The following TAS2R41 variants were observed in gnomAD, a reference collection of about 807,000 sequenced individuals.
TAS2R41 encodes the protein taste 2 receptor member 41, also known as taste receptor type 2 member 41.
A neutral mutation model predicts 25.1 loss-of-function variants in TAS2R41; 33 were observed. That is an observed-to-expected ratio of 1.31 (90% CI 1.00 to 1.76). TAS2R41 has a LOEUF of 1.76. Ranked by LOEUF, TAS2R41 falls within the 40% of genes most tolerant of loss-of-function variation. TAS2R41 has a pLI of 0.00. For missense variants in TAS2R41, 319 were observed against 359.4 expected (o/e 0.89, Z 0.91); for synonymous variants, 151 against 151.6 (o/e 1.00, Z 0.03).
Position 143,478,777 on chromosome 7 carries a change from G to A in TAS2R41, c.905G>A (p.Arg302Lys). 6.2e-7 allele frequency: 1 copy of A among 1,613,360 alleles called. No individual in the cohort carries two copies. The highest frequency in any genetic ancestry group is 1.3e-5 in the African/African-American group (1 of 75,032). The change falls in exon 1 of 1, where the codon AGG (arginine) becomes AAG (lysine). Residue 302 changes from arginine to lysine, a missense_variant. Arg to Lys is a conservative substitution (Grantham distance 26, BLOSUM62 2). Coordinates refer to ENST00000408916, the MANE Select transcript of TAS2R41 (RefSeq NM_176883.2). ...SVFSQLLLLA[R>K]GFWVA The stretch of plus-strand genomic sequence containing the variant: ...TTCTCGCAGCTCCTGTTGTTGGCAA[G>A]GGGCTTCTGGGTGGCCTAGATGGCA...
In TAS2R41 at chr7:143,478,246, G is replaced by A. The variant is rs773192241; in HGVS notation, c.374G>A (p.Arg125Lys). 1 of 1,614,050 alleles carries A rather than the reference G, an allele frequency of 6.2e-7. No homozygotes were observed. The highest frequency in any genetic ancestry group is 2.2e-5 in the East Asian group (1 of 44,860). The change falls in exon 1 of 1, where the codon AGG becomes AAG. Residue 125 changes from arginine to lysine, a missense_variant. Physicochemically the swap from Arg to Lys is conservative, Grantham distance 26 (BLOSUM62 2). Transcript: ENST00000408916. Reference sequence around the variant, plus strand: ...TCCACCTTCCTGTGGCTGAAGTGGAGGTTCCCAGGGTGGGTGCCCTGGCTC... The same window carrying A: ...TCCACCTTCCTGTGGCTGAAGTGGAAGTTCCCAGGGTGGGTGCCCTGGCTC... ...THSTFLWLKW[R>K]FPGWVPWLLL...
rs1213721087 is a variant in TAS2R41 at position 143,478,115 on chromosome 7, C to T, written c.243C>T (p.Gly81=). 1 of 1,613,936 alleles carries T rather than the reference C, an allele frequency of 6.2e-7. No homozygotes were observed. The highest frequency in any genetic ancestry group is 1.7e-5 in the Admixed American group (1 of 59,992). Residue 81 remains glycine, a synonymous_variant, in exon 1 of 1, where the codon GGC becomes GGT. Coordinates refer to ENST00000408916, the MANE Select transcript of TAS2R41 (RefSeq NM_176883.2). The part of the protein sequence containing the change: ...AQKVEYSGGL[G]RQFFHLHWHF... ...AGGTCGAGTACTCTGGGGGTCTCGGCCGACAGTTCTTCCATCTACACTGGC... is the reference window on the plus strand; with the variant it reads ...AGGTCGAGTACTCTGGGGGTCTCGGTCGACAGTTCTTCCATCTACACTGGC...
chr7:143,478,294 C>T lies in TAS2R41; in HGVS notation c.422C>T (p.Ser141Phe), dbSNP rs1807070390. Residue 141 changes from serine (S) to phenylalanine (F), a missense_variant, in exon 1 of 1, where the codon TCC becomes TTC. Transcript: ENST00000408916. ...CTCCTGTTGGGCTCTGTCCTGATCT[C>T]CTTCATCATAACCCTGCTGTTTTTT... ...PWLLLGSVLI[S>F]FIITLLFFWV... 6.2e-7 allele frequency: 1 copy of T among 1,614,062 alleles called. No homozygotes were observed. Among genetic ancestry groups the T allele is most frequent in the Non-Finnish European group, 8.5e-7 (1 of 1,180,012 alleles).
At position 143,478,453 on chromosome 7, in the gene TAS2R41, CT is replaced by C; in HGVS notation, c.582del (p.Val195PhefsTer9). On this transcript the variant is annotated frameshift_variant, in exon 1 of 1. Transcript: ENST00000408916. LOFTEE classifies it high-confidence loss of function. ...LKLVIWSIPFSVFLVSIMLLI... is the reference protein window; with the variant it reads ...LKLVIWSIPFXVFLVSIMLLI... Reference sequence around the variant, plus strand: ...CTGGTCATCTGGTCAATTCCTTTTTCTGTTTTTCTGGTCTCAATTATGCTGT... The same window carrying C: ...CTGGTCATCTGGTCAATTCCTTTTTCGTTTTTCTGGTCTCAATTATGCTGT... 1 of 1,614,022 alleles carries C rather than the reference CT, an allele frequency of 6.2e-7. No individual in the cohort carries two copies. The highest frequency in any genetic ancestry group is 8.5e-7 in the Non-Finnish European group (1 of 1,179,988).
chr7:143,478,014 C>T lies in TAS2R41; in HGVS notation c.142C>T (p.Leu48Phe), dbSNP rs1344967592. ...CAGGTTGCTGCCCTTGGATATGATC[C>T]TCATTAGCTTGGGTGCCTCCCGCTT... is the stretch of plus-strand genomic sequence containing the variant. ...YGRLLPLDMI[L>F]ISLGASRFCL... Residue 48 changes from leucine to phenylalanine, a missense_variant, in exon 1 of 1, where the codon CTC becomes TTC. Coordinates refer to ENST00000408916, the MANE Select transcript of TAS2R41 (RefSeq NM_176883.2). 11 of 1,613,982 alleles carry T rather than the reference C, an allele frequency of 6.8e-6. No homozygotes were observed. The highest frequency in any genetic ancestry group is 3.3e-5 in the Admixed American group (2 of 59,992).
Position 143,478,570 on chromosome 7 carries a change from T to C in TAS2R41, c.698T>C (p.Leu233Pro). ...DPSTQAHTRA[L>P]KSLISFLILY... ...AGCACCCAGGCTCACACCAGAGCTCTGAAGTCCCTCATCTCCTTCCTCATT... is the reference window on the plus strand; with the variant it reads ...AGCACCCAGGCTCACACCAGAGCTCCGAAGTCCCTCATCTCCTTCCTCATT... The change falls in exon 1 of 1, where the codon CTG (leucine) becomes CCG (proline). Residue 233 changes from leucine (L) to proline (P), a missense_variant. Leu to Pro is a moderately conservative substitution (Grantham distance 98, BLOSUM62 -3). Coordinates refer to ENST00000408916, the MANE Select transcript of TAS2R41 (RefSeq NM_176883.2). 6.2e-7 allele frequency: 1 copy of C among 1,614,120 alleles called. No individual in the cohort carries two copies. Among genetic ancestry groups the C allele is most frequent in the Non-Finnish European group, 8.5e-7 (1 of 1,180,012 alleles).
Position 143,478,518 on chromosome 7 carries a change from CACA to C in TAS2R41, c.649_651del (p.Asn217del). On this transcript the variant is annotated inframe_deletion, in exon 1 of 1. Transcript: ENST00000408916. ...GAGGAGGCATACTCAGAGAATGCAG[CACA>C]ACGGGCACAGCCTGCAGGACCCCAG... 1 of 1,614,106 alleles carries C rather than the reference CACA, an allele frequency of 6.2e-7. No individual in the cohort carries two copies. The highest frequency in any genetic ancestry group is 8.5e-7 in the Non-Finnish European group (1 of 1,180,020).
Position 143,477,950 on chromosome 7 carries a change from C to A in TAS2R41, c.78C>A (p.Phe26Leu), listed in dbSNP as rs1288525458. The A allele has an allele frequency of 6.2e-7, 1 of 1,614,122 alleles. No individual in the cohort carries two copies. Among genetic ancestry groups the A allele is most frequent in the Non-Finnish European group, 8.5e-7 (1 of 1,180,030 alleles). The change falls in exon 1 of 1, where the codon TTC becomes TTA. Residue 26 changes from phenylalanine (F) to leucine (L), a missense_variant. Transcript: ENST00000408916. This position sits in a 1 kb window ranked among gnomAD's most constrained non-coding sequence, Gnocchi z 4.0. ...TTCTGGGGATTGCAGCGAATGGCTT[C>A]ATTGTGCTGGTGCTGGGCAGGGAGT... Reference protein sequence around the residue: ...LSLLGIAANGFIVLVLGREWL... With the variant: ...LSLLGIAANGLIVLVLGREWL...
In TAS2R41 at chr7:143,477,998, G is replaced by C; in HGVS notation, c.126G>C (p.Leu42=). ...GREWLRYGRL[L]PLDMILISLG... is the part of the protein sequence containing the mutation. ...AGTGGCTGCGATATGGCAGGTTGCT[G>C]CCCTTGGATATGATCCTCATTAGCT... The change falls in exon 1 of 1, where the codon CTG becomes CTC. Residue 42 remains leucine (L), a synonymous_variant. Transcript: ENST00000408916. This position sits in a 1 kb window ranked among gnomAD's most constrained non-coding sequence, Gnocchi z 4.0. The C allele has an allele frequency of 6.2e-7, 1 of 1,614,130 alleles. No homozygotes were observed. The highest frequency in any genetic ancestry group is 8.5e-7 in the Non-Finnish European group (1 of 1,180,018).
Position 143,477,906 on chromosome 7 carries a change from C to T in TAS2R41, c.34C>T (p.Leu12Phe), listed in dbSNP as rs1807056042. Residue 12 changes from leucine (L) to phenylalanine (F), a missense_variant, in exon 1 of 1, where the codon CTC (leucine) becomes TTC (phenylalanine). By Grantham distance (22) the Leu-to-Phe change is conservative. Coordinates refer to ENST00000408916, the MANE Select transcript of TAS2R41 (RefSeq NM_176883.2). This position sits in a 1 kb window ranked among gnomAD's most constrained non-coding sequence, Gnocchi z 4.0. Reference sequence around the variant, plus strand: ...AGCACTGACGGCCTTCTTCGTGTTGCTCTTTAGCCTGCTGAGTCTTCTGGG... The same window carrying T: ...AGCACTGACGGCCTTCTTCGTGTTGTTCTTTAGCCTGCTGAGTCTTCTGGG... Reference protein sequence around the residue: ...QAALTAFFVLLFSLLSLLGIA... With the variant: ...QAALTAFFVLFFSLLSLLGIA... The T allele has an allele frequency of 6.2e-7, 1 of 1,614,120 alleles. No homozygotes were observed. Among genetic ancestry groups the T allele is most frequent in the Middle Eastern group, 1.6e-4 (1 of 6,062 alleles).
At position 143,478,411 on chromosome 7, in the gene TAS2R41, A is replaced by C. The variant is rs747809966; in HGVS notation, c.539A>C (p.Tyr180Ser). The change falls in exon 1 of 1, where the codon TAT becomes TCT. Residue 180 changes from tyrosine to serine, a missense_variant. By Grantham distance (144) the Tyr-to-Ser change is moderately radical. Transcript: ENST00000408916. ...TGGAATACAAGGATAGAAACATACT[A>C]TTTCCCATCCCTGAAACTGGTCATC... ...YKWNTRIETY[Y>S]FPSLKLVIWS... 6.2e-7 allele frequency: 1 copy of C among 1,613,898 alleles called. No homozygotes were observed. The highest frequency in any genetic ancestry group is 8.5e-7 in the Non-Finnish European group (1 of 1,179,980).
chr7:143,478,527 C>T lies in TAS2R41; in HGVS notation c.655C>T (p.His219Tyr), dbSNP rs778451423. The T allele has an allele frequency of 1.9e-6, 3 of 1,614,112 alleles. No homozygotes were observed. Among genetic ancestry groups the T allele is most frequent in the Non-Finnish European group, 2.5e-6 (3 of 1,180,008 alleles). Residue 219 changes from histidine to tyrosine, a missense_variant, in exon 1 of 1, where the codon CAC (histidine) becomes TAC (tyrosine). By Grantham distance (83) the His-to-Tyr change is moderately conservative (BLOSUM62 2). Transcript: ENST00000408916. ...RHTQRMQHNG[H>Y]SLQDPSTQAH... ...TACTCAGAGAATGCAGCACAACGGG[C>T]ACAGCCTGCAGGACCCCAGCACCCA...
Position 143,478,274 on chromosome 7 carries a change from G to C in TAS2R41, c.402G>C (p.Leu134=). The change falls in exon 1 of 1, where the codon CTG becomes CTC. Residue 134 remains leucine (L), a synonymous_variant. Transcript: ENST00000408916. ...TCCCAGGGTGGGTGCCCTGGCTCCT[G>C]TTGGGCTCTGTCCTGATCTCCTTCA... ...WRFPGWVPWL[L]LGSVLISFII... 1 of 1,614,024 alleles carries C rather than the reference G, an allele frequency of 6.2e-7. No individual in the cohort carries two copies. Among genetic ancestry groups the C allele is most frequent in the Non-Finnish European group, 8.5e-7 (1 of 1,179,998 alleles).
In TAS2R41 at chr7:143,478,525, G is replaced by A; in HGVS notation, c.653G>A (p.Gly218Glu). Residue 218 changes from glycine (G) to glutamate (E), a missense_variant, in exon 1 of 1, where the codon GGG (glycine) becomes GAG (glutamate). Transcript: ENST00000408916. The stretch of plus-strand genomic sequence containing the variant: ...CATACTCAGAGAATGCAGCACAACG[G>A]GCACAGCCTGCAGGACCCCAGCACC... ...RRHTQRMQHNGHSLQDPSTQA... is the reference protein window; with the variant it reads ...RRHTQRMQHNEHSLQDPSTQA... 1.9e-6 allele frequency: 3 copies of A among 1,613,956 alleles called. No homozygotes were observed. The highest frequency in any genetic ancestry group is 1.3e-5 in the African/African-American group (1 of 74,974).
At position 143,477,908 on chromosome 7, in the gene TAS2R41, C is replaced by T; in HGVS notation, c.36C>T (p.Leu12=). The T allele has an allele frequency of 1.9e-6, 3 of 1,614,100 alleles. No individual in the cohort carries two copies. The highest frequency in any genetic ancestry group is 2.5e-6 in the Non-Finnish European group (3 of 1,180,022). The change falls in exon 1 of 1, where the codon CTC becomes CTT. Residue 12 remains leucine (L), a synonymous_variant. Transcript: ENST00000408916. This position sits in a 1 kb window ranked among gnomAD's most constrained non-coding sequence, Gnocchi z 4.0. ...QAALTAFFVL[L]FSLLSLLGIA... ...CACTGACGGCCTTCTTCGTGTTGCT[C>T]TTTAGCCTGCTGAGTCTTCTGGGGA...
rs1807070562 is a variant in TAS2R41 at position 143,478,298 on chromosome 7, C to T, written c.426C>T (p.Phe142=). Residue 142 remains phenylalanine (F), a synonymous_variant, in exon 1 of 1, where the codon TTC becomes TTT. Coordinates refer to ENST00000408916, the MANE Select transcript of TAS2R41 (RefSeq NM_176883.2). ...TGTTGGGCTCTGTCCTGATCTCCTT[C>T]ATCATAACCCTGCTGTTTTTTTGGG... is the stretch of plus-strand genomic sequence containing the variant. ...WLLLGSVLIS[F]IITLLFFWVN... 8.7e-6 allele frequency: 14 copies of T among 1,613,942 alleles called. No individual in the cohort carries two copies. Among genetic ancestry groups the T allele is most frequent in the African/African-American group, 1.3e-5 (1 of 74,880 alleles).
rs1228668007 is a variant in TAS2R41, at chr7:143,478,144, T to C, written c.272T>C (p.Phe91Ser). Residue 91 changes from phenylalanine to serine, a missense_variant, in exon 1 of 1, where the codon TTC becomes TCC. By Grantham distance (155) the Phe-to-Ser change is radical. Coordinates refer to ENST00000408916, the MANE Select transcript of TAS2R41 (RefSeq NM_176883.2). ...GRQFFHLHWH[F>S]LNSATFWFCS... ...CAGTTCTTCCATCTACACTGGCACT[T>C]CCTGAACTCAGCCACCTTCTGGTTT... 3.7e-6 allele frequency: 6 copies of C among 1,614,122 alleles called. No homozygotes were observed. In the Admixed American group the frequency reaches 1.0e-4, roughly 27 times the overall value.
At position 143,478,546 on chromosome 7, in the gene TAS2R41, G is replaced by T; in HGVS notation, c.674G>T (p.Ser225Ile). ...AACGGGCACAGCCTGCAGGACCCCA[G>T]CACCCAGGCTCACACCAGAGCTCTG... ...QHNGHSLQDP[S>I]TQAHTRALKS... The change falls in exon 1 of 1, where the codon AGC (serine) becomes ATC (isoleucine). Residue 225 changes from serine (S) to isoleucine (I), a missense_variant. Coordinates refer to ENST00000408916, the MANE Select transcript of TAS2R41 (RefSeq NM_176883.2). The T allele has an allele frequency of 6.2e-7, 1 of 1,614,050 alleles. No homozygotes were observed. Among genetic ancestry groups the T allele is most frequent in the Non-Finnish European group, 8.5e-7 (1 of 1,180,024 alleles).
In TAS2R41 at chr7:143,478,255, G is replaced by T; in HGVS notation, c.383G>T (p.Gly128Val). 6.2e-7 allele frequency: 1 copy of T among 1,613,986 alleles called. No individual in the cohort carries two copies. The highest frequency in any genetic ancestry group is 8.5e-7 in the Non-Finnish European group (1 of 1,179,988). Residue 128 changes from glycine to valine, a missense_variant, in exon 1 of 1, where the codon GGG becomes GTG. By Grantham distance (109) the Gly-to-Val change is moderately radical. Transcript: ENST00000408916. ...TFLWLKWRFP[G>V]WVPWLLLGSV... ...CTGTGGCTGAAGTGGAGGTTCCCAG[G>T]GTGGGTGCCCTGGCTCCTGTTGGGC... is the stretch of plus-strand genomic sequence containing the variant.
Sources: allele counts gnomAD v4.1 joint callset, GRCh38; gene constraint gnomAD v4.1.1; non-coding constraint Gnocchi (gnomAD v3.1); transcripts MANE v1.5; gene names NCBI Gene and HGNC (gene_info 2026-07-23, HGNC 2026-07-21).